Variants in ABCC4 observed in about 807,000 individuals in gnomAD.
ABCC4 encodes ATP binding cassette subfamily C member 4 (PEL blood group).
In ABCC4, 102 loss-of-function variants were observed where a neutral mutation model predicts 168.5. The ratio of observed to expected loss-of-function variants is 0.61; its 90% CI spans 0.52 to 0.71. The LOEUF (loss-of-function observed/expected upper bound fraction) is 0.71. Among genes scored for constraint, ABCC4 ranks in the 30% least tolerant of loss-of-function variants. The pLI, the probability that ABCC4 is intolerant of heterozygous loss-of-function variation, is 0.00. For synonymous variants in ABCC4, 617 were observed against 590.7 expected (o/e 1.04, Z -0.65); for missense variants, 1,402 against 1,605.8 (o/e 0.87, Z 2.17).
chr13:95,071,211 A>G (rs748629022), intron 25 of ABCC4, among the ~76,000 whole-genome samples: 1 of 152,208 alleles, frequency 6.6e-6, no homozygotes, highest in Admixed American at 6.5e-5. Flanking sequence ...TAAATTGCCT[A>G]GTCTTGGGTA....
chr13:95,292,477 G>A (rs1391578247), intron 1 of ABCC4, among the ~76,000 whole-genome samples: 1 of 152,120 alleles, frequency 6.6e-6, no homozygotes, highest in East Asian at 1.9e-4. Flanking sequence ...AAAGGAGAGC[G>A]GCTCTGAACC....
intron 4 of ABCC4, among the ~76,000 whole-genome samples, chr13:95,234,274 T>C (rs534160848): frequency 6.6e-5 from 10 of 152,358 alleles, no homozygotes; most frequent in African/African-American, 2.4e-4. Context: ...ATATTTTTAA[T>C]TAGATTTCAT....
chr13:95,098,134 T>TAAAAAA (rs66704412), intron 20 of ABCC4, among the ~76,000 whole-genome samples: 1 of 114,110 alleles, frequency 8.8e-6, no homozygotes, highest in Non-Finnish European at 1.8e-5. Context: ...AGATACTGTC[T>TAAAAAA]AAAAAAAAAA....
chr13:95,209,805 C>A (rs1016089194), intron 5 of ABCC4, among the ~76,000 whole-genome samples: 2 of 152,262 alleles, frequency 1.3e-5, no homozygotes, highest in African/African-American at 4.8e-5. Flanking sequence ...GGGAGACTCG[C>A]AAGAGAATCC....
At chr13:95,188,400 G>C in intron 10 of ABCC4, 53 bp downstream of exon 10, 1 of 1,534,432 alleles carries the variant, frequency 6.5e-7, no homozygotes, top group Non-Finnish European at 9.0e-7. Context: ...AACCCACGAA[G>C]TTAATATGAT....
chr13:95,247,862 A>G (rs1318343133), intron 1 of ABCC4, 109 bp from the exon 2 acceptor site: 1 of 724,124 alleles, frequency 1.4e-6, no homozygotes, highest in Non-Finnish European at 2.4e-6. Context: ...ACATACAGCT[A>G]TATATAGACA....
intron 22 of ABCC4, 89 bp downstream of exon 22, chr13:95,075,343 C>A (rs2033860984): frequency 4.5e-6 from 7 of 1,561,658 alleles, no homozygotes; most frequent in South Asian, 1.2e-5. Context: ...CCCTGAGGTG[C>A]CTGCCAACAA....
At chr13:95,024,526 G>A (rs1323282435) in intron 30 of ABCC4, among the ~76,000 whole-genome samples, 2 of 152,152 alleles carry the variant, frequency 1.3e-5, no homozygotes, top group Admixed American at 6.5e-5. Flanking sequence ...AGCAATACAA[G>A]CTCCCGCACG....
chr13:95,278,475 A>T (rs543746048), intron 1 of ABCC4, among the ~76,000 whole-genome samples: 1 of 152,290 alleles, frequency 6.6e-6, no homozygotes, highest in African/African-American at 2.4e-5. Context: ...TGGGTGATCA[A>T]GGCAGAGGTT....
At chr13:95,244,681 G>A (rs1594370126) in intron 3 of ABCC4, among the ~76,000 whole-genome samples, 1 of 138,264 alleles carries the variant, frequency 7.2e-6, no homozygotes, top group South Asian at 2.4e-4. Flanking sequence ...AATCATAGCA[G>A]TTCCTGGTAC....
At chr13:95,093,475 T>A (rs2034499483) in intron 20 of ABCC4, among the ~76,000 whole-genome samples, 1 of 152,116 alleles carries the variant, frequency 6.6e-6, no homozygotes, top group Admixed American at 6.5e-5. Flanking sequence ...AGAAAAAGCA[T>A]TCGACAAAAT....
At chr13:95,159,051 C>T (rs1323360604) in intron 19 of ABCC4, among the ~76,000 whole-genome samples, 1 of 141,290 alleles carries the variant, frequency 7.1e-6, no homozygotes, top group Non-Finnish European at 1.5e-5. Context: ...TCACTGCACT[C>T]CAGTCTAGTC....
intron 3 of ABCC4, among the ~76,000 whole-genome samples, chr13:95,240,253 A>G (rs1255913925): frequency 6.6e-6 from 1 of 152,250 alleles, no homozygotes; most frequent in Non-Finnish European, 1.5e-5. Flanking sequence ...ATTAGAAAGT[A>G]CACACGCGGC....
intron 2 of ABCC4, 82 bp downstream of exon 2, chr13:95,247,561 C>A: frequency 9.5e-7 from 1 of 1,055,428 alleles, no homozygotes; most frequent in Non-Finnish European, 1.4e-6. Context: ...AGGCTCCAGA[C>A]AGGACCCAGG....
chr13:95,250,645 G>A (rs1484207410), intron 1 of ABCC4, among the ~76,000 whole-genome samples: 1 of 152,046 alleles, frequency 6.6e-6, no homozygotes, highest in East Asian at 1.9e-4. Context: ...CAGCAAGCAG[G>A]AGTCTTAGAC....
At chr13:95,290,870 AC>A (rs143906200) in intron 1 of ABCC4, among the ~76,000 whole-genome samples, 23,772 of 149,934 alleles carry the variant, frequency 0.16, 2,443 homozygotes, top group East Asian at 0.38. Flanking sequence ...GGTGGCAAGC[AC>A]CTGTAATCCC....
chr13:95,090,518 AAG>A (rs2034398042), intron 20 of ABCC4, among the ~76,000 whole-genome samples: 1 of 152,284 alleles, frequency 6.6e-6, no homozygotes, highest in East Asian at 1.9e-4. Context: ...CTAGACCCAG[AAG>A]AGAGACAATA....
chr13:95,174,671 C>T (rs368726068), intron 13 of ABCC4, among the ~76,000 whole-genome samples: 3 of 152,348 alleles, frequency 2.0e-5, no homozygotes, highest in South Asian at 2.1e-4. Context: ...CTTCCTCCTT[C>T]CCCGCGGCGA....
chr13:95,024,711 T>A (rs2031304174), intron 30 of ABCC4, among the ~76,000 whole-genome samples: 1 of 152,162 alleles, frequency 6.6e-6, no homozygotes, highest in Admixed American at 6.5e-5. Flanking sequence ...CCAGTCTAAT[T>A]TTGGTGTACA....
Sources: gnomAD v4.1 joint callset for allele counts (sites outside exome capture counted in the v4.1 genomes callset) on GRCh38, gnomAD v4.1.1 for gene constraint, MANE v1.5 for transcripts, NCBI Gene and HGNC (gene_info 2026-07-23, HGNC 2026-07-21) for gene names.